Variants in ARMH3 observed in about 807,000 individuals in gnomAD.
ARMH3 encodes the protein armadillo-like helical domain-containing protein 3.
ARMH3 carries 60 observed loss-of-function variants against 99.1 expected under a neutral mutation model. That is an observed-to-expected ratio of 0.61 (90% CI 0.49 to 0.75). The LOEUF is 0.75. Ranked by LOEUF, ARMH3 falls within the 30% of genes least tolerant of loss-of-function variation. The pLI is 0.00. For synonymous variants in ARMH3, 285 were observed against 292.8 expected (o/e 0.97, Z 0.27); for missense variants, 679 against 843.1 (o/e 0.81, Z 2.41).
At chr10:101,950,090 C>T (rs528156059) in intron 22 of ARMH3, among the ~76,000 whole-genome samples, 10 of 152,212 alleles carry the variant, frequency 6.6e-5, no homozygotes, top group East Asian at 5.8e-4. Flanking sequence ...TAAGATTGGA[C>T]ACAAGGCAAG....
chr10:101,905,279 C>A (rs2068076385), intron 23 of ARMH3, among the ~76,000 whole-genome samples: 1 of 152,176 alleles, frequency 6.6e-6, no homozygotes, highest in South Asian at 2.1e-4. Flanking sequence ...ATCATTCATT[C>A]TGCTATCCAC....
intron 22 of ARMH3, among the ~76,000 whole-genome samples, chr10:101,953,276 T>C (rs1844877552): frequency 6.6e-6 from 1 of 152,176 alleles, no homozygotes; most frequent in Non-Finnish European, 1.5e-5. Context: ...ACCATAAGCA[T>C]GCACTGCCAC....
intron 15 of ARMH3, among the ~76,000 whole-genome samples, chr10:101,999,723 C>CT (rs772424234): frequency 6.6e-6 from 1 of 152,098 alleles, no homozygotes; most frequent in Non-Finnish European, 1.5e-5. Context: ...ATGTCCTTAA[C>CT]TTTAGGTGAT....
At chr10:101,906,579 A>C (rs1842645252) in intron 23 of ARMH3, among the ~76,000 whole-genome samples, 1 of 152,260 alleles carries the variant, frequency 6.6e-6, no homozygotes, top group Admixed American at 6.5e-5. Context: ...CAGGGTTGAA[A>C]GAACCTACTG....
chr10:101,971,790 T>C (rs1004243280), intron 20 of ARMH3, among the ~76,000 whole-genome samples: 6 of 152,162 alleles, frequency 3.9e-5, no homozygotes, highest in African/African-American at 1.2e-4. Context: ...TAAAGAACTA[T>C]TTCAGTATGA....
chr10:101,974,410 C>T (rs1590114186), intron 20 of ARMH3, among the ~76,000 whole-genome samples: 1 of 152,322 alleles, frequency 6.6e-6, no homozygotes, highest in African/African-American at 2.4e-5. Flanking sequence ...CCCTTCATCA[C>T]TGTAATCATC....
chr10:101,967,202 T>C (rs1444426131), intron 20 of ARMH3, among the ~76,000 whole-genome samples: 1 of 152,132 alleles, frequency 6.6e-6, no homozygotes, highest in Non-Finnish European at 1.5e-5. Flanking sequence ...AAAAGAATAA[T>C]ATTACCATCT....
intron 19 of ARMH3, among the ~76,000 whole-genome samples, chr10:101,986,324 T>C (rs1415854965): frequency 1.3e-5 from 2 of 152,146 alleles, no homozygotes; most frequent in African/African-American, 4.8e-5. Flanking sequence ...AGAGACTATA[T>C]CCCCTCACTC....
chr10:101,894,560 G>C (rs1177998933), intron 23 of ARMH3, among the ~76,000 whole-genome samples: 1 of 152,220 alleles, frequency 6.6e-6, no homozygotes, highest in Non-Finnish European at 1.5e-5. Context: ...ACTCATGCTT[G>C]ACTAGCTCTT....
At chr10:101,966,733 G>T (rs1395593201) in intron 20 of ARMH3, among the ~76,000 whole-genome samples, 1 of 152,024 alleles carries the variant, frequency 6.6e-6, no homozygotes, top group Non-Finnish European at 1.5e-5. Flanking sequence ...CAGGAGGAGG[G>T]AAAAAAGGTA....
chr10:101,938,991 AAAAG>A (rs1844119941), intron 23 of ARMH3, among the ~76,000 whole-genome samples: 3 of 152,168 alleles, frequency 2.0e-5, no homozygotes, highest in Admixed American at 2.0e-4. Flanking sequence ...CCTTTAAATA[AAAAG>A]AAAGAAAAGA....
Position 101,975,307 on chromosome 10 carries a change from C to T in ARMH3, c.1407-7G>A. ...TACTACCTGGATGCAGCGTCTGTAACAGGGAAAGCAAAAAATGAGGGTAAG... is the reference window on the plus strand; with the variant it reads ...TACTACCTGGATGCAGCGTCTGTAATAGGGAAAGCAAAAAATGAGGGTAAG... On this transcript the variant is annotated splice_polypyrimidine_tract_variant and splice_region_variant and intron_variant, in intron 19 of 25. Coordinates refer to ENST00000370033, the MANE Select transcript of ARMH3 (RefSeq NM_024541.3). The T allele has an allele frequency of 6.2e-7, 1 of 1,609,760 alleles. No homozygotes were observed. Among genetic ancestry groups the T allele is most frequent in the Non-Finnish European group, 8.5e-7 (1 of 1,177,006 alleles).
intron 24 of ARMH3, among the ~76,000 whole-genome samples, chr10:101,866,394 G>C (rs2067003635): frequency 6.6e-6 from 1 of 150,838 alleles, no homozygotes; most frequent in African/African-American, 2.4e-5. Flanking sequence ...AGAAGAGGCT[G>C]AATTGCTTGA....
intron 19 of ARMH3, among the ~76,000 whole-genome samples, chr10:101,983,741 C>A (rs1846333222): frequency 6.6e-6 from 1 of 152,208 alleles, no homozygotes; most frequent in Non-Finnish European, 1.5e-5. Flanking sequence ...GCTCCAGACC[C>A]TTTCAGACCT....
At chr10:101,909,744 G>GTCTCTGATC (rs1842790918) in intron 23 of ARMH3, among the ~76,000 whole-genome samples, 1 of 151,928 alleles carries the variant, frequency 6.6e-6, no homozygotes, top group Non-Finnish European at 1.5e-5. Context: ...ACAGGAGTGA[G>GTCTCTGATC]CCACTATGCC....
intron 23 of ARMH3, among the ~76,000 whole-genome samples, chr10:101,913,505 A>G (rs1478328795): frequency 6.6e-6 from 1 of 151,574 alleles, no homozygotes; most frequent in Admixed American, 6.6e-5. Flanking sequence ...AACTGGGACT[A>G]CAGGTGCACG....
chr10:102,049,093 A>G (rs1005043218), intron 1 of ARMH3, among the ~76,000 whole-genome samples: 3 of 151,884 alleles, frequency 2.0e-5, no homozygotes, highest in Admixed American at 6.6e-5. Context: ...ATCACATCCT[A>G]CTGTTCCACA....
At chr10:101,957,862 TA>T in intron 20 of ARMH3, 130 bp from the exon 21 acceptor site, 1 of 1,292,072 alleles carries the variant, frequency 7.7e-7, no homozygotes, top group Non-Finnish European at 1.0e-6. Flanking sequence ...CAAGGTCTTT[TA>T]AAAAGCAGGT....
intron 24 of ARMH3, among the ~76,000 whole-genome samples, chr10:101,852,367 C>T (rs1306276149): frequency 6.6e-6 from 1 of 152,224 alleles, no homozygotes; most frequent in Admixed American, 6.5e-5. Context: ...TTCTTCCTAT[C>T]CCAATAAAGC....
Sources: gnomAD v4.1 joint callset for allele counts (sites outside exome capture counted in the v4.1 genomes callset) on GRCh38, gnomAD v4.1.1 for gene constraint, MANE v1.5 for transcripts, NCBI Gene and HGNC (gene_info 2026-07-23, HGNC 2026-07-21) for gene names.